The following OSBPL10 variants were observed in gnomAD, a reference collection of about 807,000 sequenced individuals.
OSBPL10 encodes the protein oxysterol-binding protein-related protein 10.
OSBPL10 carries 49 observed loss-of-function variants against 81.7 expected under a neutral mutation model. The observed-to-expected ratio is 0.60, with a 90% CI of 0.48 to 0.76. The LOEUF (loss-of-function observed/expected upper bound fraction) is 0.76. OSBPL10 is among the 30% of genes least tolerant of loss of function. The probability of loss-of-function intolerance (pLI) is 0.00; values close to 1 mark genes in which losing one functional copy is unlikely to be tolerated. For synonymous variants in OSBPL10, 419 were observed against 383.6 expected (o/e 1.09, Z -1.08); for missense variants, 923 against 987.8 (o/e 0.93, Z 0.88).
intron 2 of OSBPL10, chr3:31,989,581 A>G (rs878904354): frequency 6.2e-7 from 1 of 1,614,230 alleles, no homozygotes; most frequent in Non-Finnish European, 8.5e-7. Context: ...TGAACTCCAC[A>G]TATTTCAGAC....
chr3:31,723,920 A>ATGG (rs1696733343), intron 6 of OSBPL10, among the ~76,000 whole-genome samples: 1 of 152,214 alleles, frequency 6.6e-6, no homozygotes, highest in African/African-American at 2.4e-5. Context: ...AGCCAGGCAG[A>ATGG]TGGTGAAAAG....
chr3:31,752,897 A>C (rs1015150360), intron 4 of OSBPL10, among the ~76,000 whole-genome samples: 6 of 152,176 alleles, frequency 3.9e-5, no homozygotes, highest in African/African-American at 1.4e-4. Context: ...AGCAGCTCCT[A>C]AACAAACATT....
Position 31,981,262 on chromosome 3 carries a change from C to T in OSBPL10, c.-83G>A, listed in dbSNP as rs879695691. 9.1e-5 allele frequency: 119 copies of T among 1,304,608 alleles called. No individual in the cohort carries two copies. Among genetic ancestry groups the T allele is most frequent in the Non-Finnish European group, 1.1e-4 (117 of 1,033,938 alleles). 80.8% of individuals were successfully genotyped at this position (1,304,608 alleles called of 1,614,324 possible). The stretch of plus-strand genomic sequence containing the variant: ...CTGCTGCTGCTGCTACAGCTCCGGA[C>T]GCCCGGGCCGCGCGTGCCTGCTCCA... On this transcript the variant is annotated 5_prime_UTR_variant, in exon 1 of 12. Transcript: ENST00000396556. This position sits in a 1 kb window ranked among gnomAD's most constrained non-coding sequence, Gnocchi z 4.5.
chr3:31,669,381 G>A (rs922894822), intron 9 of OSBPL10, among the ~76,000 whole-genome samples: 13 of 152,288 alleles, frequency 8.5e-5, no homozygotes, highest in African/African-American at 3.1e-4. Flanking sequence ...TAAAAAGTGT[G>A]TAAGAGTGTA....
intron 1 of OSBPL10, among the ~76,000 whole-genome samples, chr3:31,884,936 T>C (rs1337661483): frequency 1.3e-5 from 2 of 152,062 alleles, no homozygotes; most frequent in Admixed American, 1.3e-4. Context: ...AAGCATGTGC[T>C]GCAGGGAGAA....
chr3:31,987,187 T>G (rs532661544), intron 2 of OSBPL10, among the ~76,000 whole-genome samples: 30 of 152,336 alleles, frequency 2.0e-4, no homozygotes, highest in African/African-American at 6.5e-4. Context: ...TGCATAGTTG[T>G]ATATCATTTT....
chr3:31,797,854 G>C, intron 4 of OSBPL10: 1 of 453,480 alleles, frequency 2.2e-6, no homozygotes, highest in Non-Finnish European at 4.4e-6. Flanking sequence ...ATAAAAATGG[G>C]GATGGGGGGG....
At chr3:31,869,395 A>G (rs921128840) in intron 3 of OSBPL10, among the ~76,000 whole-genome samples, 1 of 152,078 alleles carries the variant, frequency 6.6e-6, no homozygotes, top group African/African-American at 2.4e-5. Context: ...GTTTACGGGA[A>G]CCCCCCACCC....
chr3:31,788,225 CA>C (rs1432168892), intron 4 of OSBPL10, among the ~76,000 whole-genome samples: 1 of 152,132 alleles, frequency 6.6e-6, no homozygotes, highest in Non-Finnish European at 1.5e-5. Flanking sequence ...CTAGAACTAT[CA>C]ACATGAACAG....
intron 1 of OSBPL10, among the ~76,000 whole-genome samples, chr3:31,901,178 C>G (rs940231708): frequency 3.2e-4 from 49 of 152,192 alleles, no homozygotes; most frequent in Non-Finnish European, 1.8e-4. Context: ...CTCCCCACAT[C>G]CATTCTCACT....
At chr3:31,663,074 CCA>C in intron 11 of OSBPL10, 6 of 985,416 alleles carry the variant, frequency 6.1e-6, no homozygotes, top group Non-Finnish European at 7.2e-6. Context: ...TGAATCCACC[CCA>C]GTTACCTACT....
At chr3:32,025,698 TC>T (rs1432044431) in intron 2 of OSBPL10, among the ~76,000 whole-genome samples, 3 of 152,226 alleles carry the variant, frequency 2.0e-5, no homozygotes, top group African/African-American at 7.2e-5. Context: ...TTCTATTTTT[TC>T]CAAGCCAGTA....
intron 2 of OSBPL10, among the ~76,000 whole-genome samples, chr3:32,036,014 T>G (rs1699514843): frequency 6.6e-6 from 1 of 152,202 alleles, no homozygotes; most frequent in Admixed American, 6.5e-5. Context: ...TGAATCCAAC[T>G]ACTCTGCATA....
rs571799025 is a variant in OSBPL10 at position 31,952,097 on chromosome 3, CAA to C, written c.281+28800_281+28801del. Among the ~76,000 whole-genome samples, 663 of 151,652 alleles carry C rather than the reference CAA, an allele frequency of 4.4e-3. 2 individuals are homozygous for C. Among genetic ancestry groups the C allele is most frequent in the Non-Finnish European group, 6.9e-3 (466 of 67,992 alleles). On this transcript the variant is annotated intron_variant, in intron 1 of 11. Transcript: ENST00000396556. ...CATGTTAACATATAGTCATATTAAA[CAA>C]AAGACTCTTAAATTCAATGAAATTT... is the stretch of plus-strand genomic sequence containing the variant.
In OSBPL10 at chr3:31,733,256, CCTCTGG is replaced by C; in HGVS notation, c.1090_1095del (p.Glu365_Pro366del). 1.2e-6 allele frequency: 2 copies of C among 1,612,948 alleles called. No individual in the cohort carries two copies. Among genetic ancestry groups the C allele is most frequent in the African/African-American group, 1.3e-5 (1 of 74,922 alleles). ...ATGCACTGAGAGGACTGCACGCTTA[CCTCTGG>C]CTCTGGCTGTGAGGTTTGTTCGTCT... On this transcript the variant is annotated inframe_deletion and splice_region_variant, in exon 6 of 12. Transcript: ENST00000396556.
At chr3:31,990,736 C>T in intron 2 of OSBPL10, 1 of 1,613,964 alleles carries the variant, frequency 6.2e-7, no homozygotes, top group South Asian at 1.1e-5. Context: ...CAAATCACAC[C>T]ATGAAACACA....
chr3:31,812,798 GAA>G (rs1178905180), intron 4 of OSBPL10, among the ~76,000 whole-genome samples: 174 of 48,226 alleles, frequency 3.6e-3, no homozygotes, highest in South Asian at 9.7e-3. Context: ...AAGAAAGAAA[GAA>G]AGAAAGAAAG....
chr3:31,834,977 A>G (rs575157566), intron 3 of OSBPL10, among the ~76,000 whole-genome samples: 38 of 152,344 alleles, frequency 2.5e-4, no homozygotes, highest in African/African-American at 8.4e-4. Flanking sequence ...GAGAAAAGAC[A>G]CATAAAGCAT....
intron 6 of OSBPL10, among the ~76,000 whole-genome samples, chr3:31,712,409 A>T (rs974498780): frequency 9.2e-5 from 14 of 152,178 alleles, no homozygotes; most frequent in African/African-American, 2.9e-4. Context: ...TACGTTAAGG[A>T]CCTTGAGATG....
Sources: gnomAD v4.1 joint callset for allele counts (sites outside exome capture counted in the v4.1 genomes callset) on GRCh38, gnomAD v4.1.1 for gene constraint, Gnocchi (gnomAD v3.1) non-coding constraint, MANE v1.5 for transcripts, NCBI Gene and HGNC (gene_info 2026-07-23, HGNC 2026-07-21) for gene names.